WDR49: variants seen among roughly 807,000 people sequenced by gnomAD.
WDR49 encodes cilia- and flagella-associated protein 337.
Under a neutral mutation model 119.5 loss-of-function variants are expected in WDR49, and 107 were observed. The observed-to-expected ratio is 0.90, with a 90% CI of 0.77 to 1.05. The LOEUF is 1.05. Among genes scored for constraint, WDR49 ranks in the 50% least tolerant of loss-of-function variants. The pLI is 0.00. For missense variants in WDR49, 1,240 were observed against 1,220.5 expected (o/e 1.02, Z -0.24); for synonymous variants, 425 against 418.8 (o/e 1.01, Z -0.18).
intron 4 of WDR49, among the ~76,000 whole-genome samples, 198 bp downstream of exon 4, chr3:167,621,269 C>T (rs1716855138): frequency 6.6e-6 from 1 of 151,804 alleles, no homozygotes; most frequent in South Asian, 2.1e-4. Context: ...ACAAACAAAC[C>T]CCCACACACA....
At chr3:167,525,222 T>C (rs890974366) in intron 15 of WDR49, among the ~76,000 whole-genome samples, 1 of 152,108 alleles carries the variant, frequency 6.6e-6, no homozygotes, top group Non-Finnish European at 1.5e-5. Context: ...ATTATTGGTG[T>C]ACAGGAATGC....
At chr3:167,557,765 A>G (rs1392375729) in intron 9 of WDR49, among the ~76,000 whole-genome samples, 4 of 152,112 alleles carry the variant, frequency 2.6e-5, no homozygotes, top group Admixed American at 2.6e-4. Context: ...AAAAAAAAAA[A>G]AAATCAGGAT....
At chr3:167,615,511 C>A (rs1291293507) in intron 5 of WDR49, among the ~76,000 whole-genome samples, 1 of 150,342 alleles carries the variant, frequency 6.7e-6, no homozygotes, top group African/African-American at 2.4e-5. Context: ...TTTGATATTT[C>A]TCTTTTCTTT....
At chr3:167,496,515 G>A (rs1029408527) in intron 18 of WDR49, among the ~76,000 whole-genome samples, 5 of 151,602 alleles carry the variant, frequency 3.3e-5, no homozygotes, top group African/African-American at 7.3e-5. Context: ...CATCTAGCTC[G>A]GGTATACTCT....
chr3:167,489,574 G>A (rs1320102720), intron 18 of WDR49, among the ~76,000 whole-genome samples: 1 of 152,098 alleles, frequency 6.6e-6, no homozygotes, highest in African/African-American at 2.4e-5. Context: ...TCACAGTGAT[G>A]AAAAGGAAAG....
rs143221662 is a variant in WDR49, at chr3:167,652,497, T to G, written c.165+764A>C. 3.9e-4 allele frequency among the ~76,000 whole-genome samples: 60 copies of G among 152,334 alleles called. 2 individuals are homozygous for G. In the East Asian group the frequency reaches 0.011, roughly 28 times the overall value. On this transcript the variant is annotated intron_variant, in intron 2 of 18. Transcript: ENST00000682715. ...AGTAGAAATGTTGGAGGCTCATGAC[T>G]ACCTAAATTCTACGTCATGGAAGAG...
chr3:167,537,510 C>A (rs1577225377), intron 10 of WDR49, among the ~76,000 whole-genome samples: 1 of 152,112 alleles, frequency 6.6e-6, no homozygotes, highest in African/African-American at 2.4e-5. Context: ...GAGTCTACAG[C>A]ATCTTGAAGA....
At chr3:167,496,134 T>C (rs1751346433) in intron 18 of WDR49, among the ~76,000 whole-genome samples, 1 of 152,158 alleles carries the variant, frequency 6.6e-6, no homozygotes, top group Non-Finnish European at 1.5e-5. Context: ...AAGAGCATTG[T>C]AACTTCTAGA....
At chr3:167,582,075 T>C (rs984602876) in intron 7 of WDR49, among the ~76,000 whole-genome samples, 14 of 150,682 alleles carry the variant, frequency 9.3e-5, no homozygotes, top group Admixed American at 8.6e-4. Context: ...TGTGTATTGC[T>C]AGGGGATTTT....
At chr3:167,597,350 T>G (rs1434839108) in intron 7 of WDR49, among the ~76,000 whole-genome samples, 1 of 152,200 alleles carries the variant, frequency 6.6e-6, no homozygotes. Context: ...TCTGCCTAGA[T>G]TTCAGAGGAT....
intron 9 of WDR49, 129 bp from the exon 10 acceptor site, chr3:167,554,927 A>G: frequency 3.1e-6 from 2 of 643,512 alleles, no homozygotes; most frequent in Non-Finnish European, 5.1e-6. Flanking sequence ...TTGCCACTAT[A>G]TTACTCTTGT....
At chr3:167,517,434 T>G (rs1022474994) in intron 16 of WDR49, among the ~76,000 whole-genome samples, 1 of 152,120 alleles carries the variant, frequency 6.6e-6, no homozygotes, top group African/African-American at 2.4e-5. Context: ...GATTCCCTAT[T>G]TAATAAATGG....
intron 16 of WDR49, among the ~76,000 whole-genome samples, chr3:167,517,368 A>G (rs1752253534): frequency 6.6e-6 from 1 of 152,178 alleles, no homozygotes; most frequent in Non-Finnish European, 1.5e-5. Flanking sequence ...ATAAGACCAC[A>G]CATCTACAAC....
At chr3:167,635,432 A>AT (rs1717567610) in intron 2 of WDR49, among the ~76,000 whole-genome samples, 1 of 151,728 alleles carries the variant, frequency 6.6e-6, no homozygotes, top group South Asian at 2.1e-4. Flanking sequence ...CAGGAGGAAA[A>AT]ATATATTTCT....
chr3:167,620,569 G>C lies in WDR49; in HGVS notation c.818C>G (p.Ser273Cys). ...TGCACTAGCAGGCCGTTCAAACAGG[G>C]AAATCAAGGCTGCGGTGAAAGCAAT... ...QAIAFTAALI[S>C]LFERPASACE... is the part of the protein sequence containing the mutation. Residue 273 changes from serine (S) to cysteine (C), a missense_variant, in exon 5 of 19, where the codon TCC (serine) becomes TGC (cysteine). Transcript: ENST00000682715. The C allele has an allele frequency of 9.8e-6, 15 of 1,535,036 alleles. No homozygotes were observed. Among genetic ancestry groups the C allele is most frequent in the Non-Finnish European group, 1.3e-5 (15 of 1,146,262 alleles).
intron 9 of WDR49, among the ~76,000 whole-genome samples, chr3:167,557,000 G>C (rs1712968313): frequency 6.6e-6 from 1 of 152,100 alleles, no homozygotes; most frequent in South Asian, 2.1e-4. Flanking sequence ...ACTCTAGCCT[G>C]AGTGACAGAG....
At chr3:167,483,452 GA>G (rs1403497407) in intron 18 of WDR49, among the ~76,000 whole-genome samples, 4 of 152,184 alleles carry the variant, frequency 2.6e-5, no homozygotes, top group Non-Finnish European at 5.9e-5. Context: ...AAGATATTAA[GA>G]GAGACGAACT....
At chr3:167,493,977 C>T (rs776800241) in intron 18 of WDR49, among the ~76,000 whole-genome samples, 8 of 152,262 alleles carry the variant, frequency 5.3e-5, no homozygotes, top group Non-Finnish European at 1.0e-4. Context: ...TACATGTATT[C>T]ATCTCTTATT....
intron 2 of WDR49, among the ~76,000 whole-genome samples, chr3:167,634,585 T>C (rs577785455): frequency 8.6e-5 from 13 of 151,988 alleles, no homozygotes; most frequent in African/African-American, 2.9e-4. Context: ...AGAAAAAGCA[T>C]AAACTCTAAA....
Sources: gnomAD v4.1 joint callset for allele counts (sites outside exome capture counted in the v4.1 genomes callset) on GRCh38, gnomAD v4.1.1 for gene constraint, MANE v1.5 for transcripts, NCBI Gene and HGNC (gene_info 2026-07-23, HGNC 2026-07-21) for gene names.